CDKAL1: variants seen among roughly 807,000 people sequenced by gnomAD.
CDKAL1 encodes CDKAL1 threonylcarbamoyladenosine tRNA methylthiotransferase.
Under a neutral mutation model 68.2 loss-of-function variants are expected in CDKAL1, and 32 were observed. That is an observed-to-expected ratio of 0.47 (90% CI 0.35 to 0.63). The LOEUF (loss-of-function observed/expected upper bound fraction) is 0.63, where lower values mean the gene tolerates loss of function less well. Among genes scored for constraint, CDKAL1 ranks in the 30% least tolerant of loss-of-function variants. CDKAL1 has a pLI of 0.00. For synonymous variants in CDKAL1, 234 were observed against 244.3 expected (o/e 0.96, Z 0.39); for missense variants, 606 against 696.7 (o/e 0.87, Z 1.47).
chr6:20,890,690 C>T (rs939913533), intron 9 of CDKAL1, among the ~76,000 whole-genome samples: 15 of 152,120 alleles, frequency 9.9e-5, no homozygotes, highest in Non-Finnish European at 1.8e-4. Context: ...GGAGATTCTG[C>T]GTCAGCGGGT....
intron 8 of CDKAL1, among the ~76,000 whole-genome samples, chr6:20,815,597 T>G (rs564042096): frequency 1.9e-4 from 29 of 152,166 alleles, no homozygotes; most frequent in African/African-American, 7.0e-4. Flanking sequence ...TGCTTCCTGA[T>G]TAGTTTAACT....
At chr6:20,748,777 AATG>A (rs200813772) in intron 6 of CDKAL1, among the ~76,000 whole-genome samples, 2 of 151,192 alleles carry the variant, frequency 1.3e-5, no homozygotes, top group African/African-American at 2.4e-5. Context: ...TGGTGTTGGG[AATG>A]AAACTGGACC....
chr6:20,552,613 TG>T (rs1272727319), intron 4 of CDKAL1, among the ~76,000 whole-genome samples: 18 of 82,688 alleles, frequency 2.2e-4, no homozygotes, highest in African/African-American at 1.1e-3. Context: ...ATTACTTGAA[TG>T]GGAATTTTTT....
chr6:21,082,032 G>T (rs969422658), intron 12 of CDKAL1, among the ~76,000 whole-genome samples: 3 of 144,344 alleles, frequency 2.1e-5, no homozygotes, highest in Non-Finnish European at 4.4e-5. Flanking sequence ...CAATGGAATA[G>T]ATTTGGTAAT....
At chr6:21,070,641 G>A (rs1324159421) in intron 12 of CDKAL1, among the ~76,000 whole-genome samples, 5 of 151,744 alleles carry the variant, frequency 3.3e-5, no homozygotes, top group African/African-American at 1.2e-4. Context: ...TCTTTCTTCA[G>A]ATATATATTC....
intron 10 of CDKAL1, among the ~76,000 whole-genome samples, chr6:20,959,674 T>C (rs1442646192): frequency 1.3e-5 from 2 of 152,158 alleles, no homozygotes; most frequent in Admixed American, 6.5e-5. Context: ...TGCTACTACA[T>C]GTGTTGGCTA....
intron 11 of CDKAL1, among the ~76,000 whole-genome samples, chr6:21,009,340 A>G (rs1251785807): frequency 6.6e-6 from 1 of 152,208 alleles, no homozygotes; most frequent in Non-Finnish European, 1.5e-5. Context: ...TAGAAATGTT[A>G]TATTATACAT....
chr6:21,166,059 G>T (rs542580927), intron 13 of CDKAL1, among the ~76,000 whole-genome samples: 36 of 152,312 alleles, frequency 2.4e-4, no homozygotes, highest in East Asian at 1.7e-3. Context: ...TTACCTCATA[G>T]AGTTGCTGTG....
At chr6:20,690,528 C>T (rs1460318363) in intron 5 of CDKAL1, among the ~76,000 whole-genome samples, 2 of 152,168 alleles carry the variant, frequency 1.3e-5, no homozygotes, top group Admixed American at 6.5e-5. Flanking sequence ...AGACACACCC[C>T]TGCCACTTGT....
chr6:20,584,521 G>A (rs560682703), intron 4 of CDKAL1, among the ~76,000 whole-genome samples: 1 of 152,318 alleles, frequency 6.6e-6, no homozygotes, highest in African/African-American at 2.4e-5. Context: ...GAAGGAAGGT[G>A]GGATGTGGTT....
chr6:21,078,001 A>AT (rs1310813858), intron 12 of CDKAL1, among the ~76,000 whole-genome samples: 1 of 152,174 alleles, frequency 6.6e-6, no homozygotes, highest in East Asian at 1.9e-4. Context: ...GGAAGGGACC[A>AT]CGGGCATAAA....
At chr6:20,898,705 A>G (rs1172310307) in intron 9 of CDKAL1, among the ~76,000 whole-genome samples, 1 of 152,170 alleles carries the variant, frequency 6.6e-6, no homozygotes, top group African/African-American at 2.4e-5. Context: ...TCTCATCATG[A>G]AAATTATTGA....
chr6:21,097,860 C>T (rs1002289758), intron 12 of CDKAL1, among the ~76,000 whole-genome samples: 1 of 152,192 alleles, frequency 6.6e-6, no homozygotes, highest in African/African-American at 2.4e-5. Context: ...TTTATAGTTA[C>T]AAAAGTAATA....
chr6:20,883,920 C>A (rs115814395), intron 9 of CDKAL1, among the ~76,000 whole-genome samples: 182 of 152,260 alleles, frequency 1.2e-3, no homozygotes, highest in African/African-American at 3.7e-3. Flanking sequence ...AAAGAATTAA[C>A]ACCAGTCCCT....
At chr6:20,597,329 C>T (rs1056999950) in intron 4 of CDKAL1, among the ~76,000 whole-genome samples, 1 of 152,110 alleles carries the variant, frequency 6.6e-6, no homozygotes, top group East Asian at 1.9e-4. Flanking sequence ...GGGGTTTCAC[C>T]GTGTTAGCCA....
intron 5 of CDKAL1, among the ~76,000 whole-genome samples, chr6:20,703,464 C>A (rs945398088): frequency 6.6e-6 from 1 of 151,960 alleles, no homozygotes; most frequent in African/African-American, 2.4e-5. Context: ...AAAAAAAAAC[C>A]CAACTCTTTT....
At chr6:21,160,656 C>CGTGT (rs1554189725) in intron 13 of CDKAL1, among the ~76,000 whole-genome samples, 51 of 127,996 alleles carry the variant, frequency 4.0e-4, no homozygotes, top group Admixed American at 1.2e-3. Flanking sequence ...CACACACACA[C>CGTGT]GTGTGTGTGT....
intron 13 of CDKAL1, 53 bp downstream of exon 13, chr6:21,108,516 T>C: frequency 8.7e-7 from 1 of 1,151,712 alleles, no homozygotes; most frequent in South Asian, 1.4e-5. Context: ...TCCGAATGTA[T>C]AGTACAATTT....
intron 10 of CDKAL1, chr6:20,993,472 A>G (rs1042595382): frequency 2.6e-5 from 4 of 152,218 alleles, no homozygotes; most frequent in Non-Finnish European, 5.9e-5. Flanking sequence ...ACGCATCTCA[A>G]TGCAAGTGTC....
Sources: gnomAD v4.1 joint callset for allele counts (sites outside exome capture counted in the v4.1 genomes callset) on GRCh38, gnomAD v4.1.1 for gene constraint, MANE v1.5 for transcripts, NCBI Gene and HGNC (gene_info 2026-07-23, HGNC 2026-07-21) for gene names.